Variants in TENM2 observed in about 807,000 individuals in gnomAD.
The protein encoded by TENM2 is teneurin-2.
A neutral mutation model predicts 245.2 loss-of-function variants in TENM2; 52 were observed. That is an observed-to-expected ratio of 0.21 (90% CI 0.17 to 0.27). The LOEUF (loss-of-function observed/expected upper bound fraction) is 0.27, where lower values mean the gene tolerates loss of function less well. Among genes scored for constraint, TENM2 ranks in the 10% least tolerant of loss-of-function variants. The pLI, the probability that TENM2 is intolerant of heterozygous loss-of-function variation, is 1.00. For synonymous variants in TENM2, 1,363 were observed against 1,438.9 expected, an observed-to-expected ratio of 0.95 and a Z score of 1.19; for missense variants, 3,046 against 3,666.8, an observed-to-expected ratio of 0.83 and a Z score of 4.37.
the TENM2 span, among the ~76,000 whole-genome samples, chr5:167,134,616 C>T: frequency 1.3e-5 from 2 of 152,120 alleles, no homozygotes; most frequent in Non-Finnish European, 2.9e-5. Flanking sequence ...CTGGTTTGGT[C>T]GGTTTTGCAT....
chr5:167,695,962 A>C (rs1429821793), intron 2 of TENM2, among the ~76,000 whole-genome samples: 1 of 150,786 alleles, frequency 6.6e-6, no homozygotes, highest in Non-Finnish European at 1.5e-5. Context: ...TGAACCTGGG[A>C]GGTGGAGCTT....
intron 2 of TENM2, among the ~76,000 whole-genome samples, chr5:167,868,119 A>G (rs1323365606): frequency 2.0e-5 from 3 of 152,310 alleles, no homozygotes; most frequent in Middle Eastern, 6.8e-3. Flanking sequence ...CCTCAATACT[A>G]TCGATATTTG....
At chr5:167,812,959 A>G (rs1766751535) in intron 2 of TENM2, among the ~76,000 whole-genome samples, 1 of 152,226 alleles carries the variant, frequency 6.6e-6, no homozygotes, top group African/African-American at 2.4e-5. Flanking sequence ...GGCAGGCTAC[A>G]GGGCATAAGA....
intron 2 of TENM2, among the ~76,000 whole-genome samples, chr5:167,872,286 AAGAG>A (rs1772893027): frequency 7.4e-6 from 1 of 135,954 alleles, no homozygotes; most frequent in South Asian, 2.5e-4. Flanking sequence ...GAAAAAAAGA[AAGAG>A]AAAGATAGAA....
intron 7 of TENM2, among the ~76,000 whole-genome samples, chr5:168,080,500 C>G (rs1032672125): frequency 1.3e-5 from 2 of 152,094 alleles, no homozygotes; most frequent in African/African-American, 4.8e-5. Flanking sequence ...TCTTGCTTCT[C>G]TAGTTCTTTT....
chr5:167,734,845 C>T (rs988033254), intron 2 of TENM2, among the ~76,000 whole-genome samples: 7 of 152,152 alleles, frequency 4.6e-5, no homozygotes, highest in Admixed American at 6.5e-5. Context: ...TCAACTGCTT[C>T]GTCTCCCTTC....
At chr5:168,248,867 C>T (rs1766837751) in intron 27 of TENM2, among the ~76,000 whole-genome samples, 1 of 152,152 alleles carries the variant, frequency 6.6e-6, no homozygotes, top group African/African-American at 2.4e-5. Flanking sequence ...CCACGTAATC[C>T]CAGCACTTTG....
In TENM2 at chr5:168,244,465, C is replaced by A; in HGVS notation, c.5566C>A (p.Arg1856=). 1.3e-6 allele frequency: 2 copies of A among 1,584,078 alleles called. No individual in the cohort carries two copies. Among genetic ancestry groups the A allele is most frequent in the South Asian group, 1.1e-5 (1 of 87,938 alleles). ...GTCCATTGACTATGATCGAAATATT[C>A]GGACTGAAAAGATCTATGATGACCA... Residue 1856 remains arginine (R), a synonymous_variant, in exon 26 of 29, where the codon CGG becomes AGG. Transcript: ENST00000518659. This position sits in a 1 kb window ranked among gnomAD's most constrained non-coding sequence, Gnocchi z 4.9.
Position 167,508,880 on chromosome 5 carries a change from C to T in TENM2, c.502+133407C>T, listed in dbSNP as rs117408371. Among the ~76,000 whole-genome samples, 238 of 152,234 alleles carry T rather than the reference C, an allele frequency of 1.6e-3. 3 individuals carry two copies. The East Asian group carries it at 0.043, about 28-fold the overall frequency. ...CTGTCGCTCAGCTGGAGTGCAATGG[C>T]GTGATCACAGCTCACTGCAACCTCT... On this transcript the variant is annotated intron_variant, in intron 2 of 28. Coordinates refer to ENST00000518659, the Ensembl canonical transcript of TENM2.
chr5:167,220,814 C>G, the TENM2 span, among the ~76,000 whole-genome samples: 1 of 150,072 alleles, frequency 6.7e-6, no homozygotes, highest in African/African-American at 2.5e-5. Flanking sequence ...TGAATGCCCT[C>G]TGTGTATCAT....
At chr5:167,235,336 T>C in the TENM2 span, among the ~76,000 whole-genome samples, 1 of 152,198 alleles carries the variant, frequency 6.6e-6, no homozygotes, top group Non-Finnish European at 1.5e-5. Flanking sequence ...GACTTCAACA[T>C]ATGAATTTGG....
In TENM2 at chr5:167,410,135, T is replaced by C. The variant is rs116025966; in HGVS notation, c.502+34662T>C. Among the ~76,000 whole-genome samples, 248 of 152,118 alleles carry C rather than the reference T, an allele frequency of 1.6e-3. 5 individuals are homozygous for C. Among genetic ancestry groups the C allele is most frequent in the African/African-American group, 5.6e-3 (233 of 41,554 alleles). On this transcript the variant is annotated intron_variant, in intron 2 of 28. Coordinates refer to ENST00000518659, the Ensembl canonical transcript of TENM2. ...AATTTTGTGGCCAGCATGAAATTTT[T>C]ACAGTGATGATACCAGCAAACACCT...
intron 5 of TENM2, among the ~76,000 whole-genome samples, chr5:168,024,186 A>G (rs1172067590): frequency 6.6e-6 from 1 of 152,162 alleles, no homozygotes; most frequent in African/African-American, 2.4e-5. Flanking sequence ...GAATTTGTGC[A>G]TATGTGAACT....
Position 168,159,845 on chromosome 5 carries a change from C to T in TENM2, c.2423-2766C>T, listed in dbSNP as rs1400156179. The stretch of plus-strand genomic sequence containing the variant: ...CTGCAGGGGCAGGTTGGGGAGGAAG[C>T]AAGAGAGGAAGAGAAGGGGTTAAAA... On this transcript the variant is annotated intron_variant, in intron 12 of 28. Transcript: ENST00000518659. Among the ~76,000 whole-genome samples, 4 of 152,018 alleles carry T rather than the reference C, an allele frequency of 2.6e-5. No homozygotes were observed. The East Asian group carries it at 7.7e-4, about 29-fold the overall frequency.
the TENM2 span, among the ~76,000 whole-genome samples, chr5:167,059,554 C>T: frequency 2.0e-5 from 3 of 152,022 alleles, no homozygotes; most frequent in African/African-American, 7.3e-5. Context: ...CACATACATA[C>T]GTTACTCCCC....
chr5:168,188,974 A>G (rs1760718354), intron 13 of TENM2, among the ~76,000 whole-genome samples: 1 of 152,172 alleles, frequency 6.6e-6, no homozygotes, highest in South Asian at 2.1e-4. Context: ...TATTTCTCGC[A>G]GTCCTGGAGG....
chr5:167,336,962 A>C (rs1757801578), intron 1 of TENM2, among the ~76,000 whole-genome samples: 1 of 150,612 alleles, frequency 6.6e-6, no homozygotes, highest in African/African-American at 2.4e-5. Context: ...CTAAAAATAC[A>C]AAAAATTAGC....
intron 2 of TENM2, among the ~76,000 whole-genome samples, chr5:167,426,512 C>T (rs533710822): frequency 3.6e-5 from 5 of 140,788 alleles, no homozygotes; most frequent in African/African-American, 1.4e-4. Flanking sequence ...GTGTTTGAGA[C>T]CAACCTGGGC....
the TENM2 span, among the ~76,000 whole-genome samples, chr5:167,054,831 G>C: frequency 1.3e-5 from 2 of 152,010 alleles, no homozygotes; most frequent in African/African-American, 4.8e-5. Context: ...ATCTTCTTTG[G>C]TGAGGTGTCT....
Sources: allele counts gnomAD v4.1 joint callset (sites outside exome capture counted in the v4.1 genomes callset), GRCh38; gene constraint gnomAD v4.1.1; non-coding constraint Gnocchi (gnomAD v3.1); transcripts MANE v1.5; gene names NCBI Gene and HGNC (gene_info 2026-07-23, HGNC 2026-07-21).